The following UBAP2 variants were observed in gnomAD, a reference collection of about 807,000 sequenced individuals.
UBAP2 encodes the protein ubiquitin associated protein 2.
In UBAP2, 75 loss-of-function variants were observed where a neutral mutation model predicts 139.6. That is an observed-to-expected ratio of 0.54 (90% CI 0.45 to 0.65). The LOEUF (loss-of-function observed/expected upper bound fraction) is 0.65, where lower values mean the gene tolerates loss of function less well. Ranked by LOEUF, UBAP2 falls within the 30% of genes least tolerant of loss-of-function variation. The pLI, the probability that UBAP2 is intolerant of heterozygous loss-of-function variation, is 0.00. For synonymous variants in UBAP2, 526 were observed against 526.2 expected, an observed-to-expected ratio of 1.00 and a Z score of 0.01; for missense variants, 1,368 against 1,369.6, an observed-to-expected ratio of 1.00 and a Z score of 0.02.
chr9:33,946,170 G>C (rs1230694137), intron 13 of UBAP2, among the ~76,000 whole-genome samples: 1 of 152,134 alleles, frequency 6.6e-6, no homozygotes, highest in African/African-American at 2.4e-5. Flanking sequence ...CTTATAGACT[G>C]TTCTTATCTC....
Position 33,927,088 on chromosome 9 carries a change from G to C in UBAP2, c.2372-8C>G. 2 of 1,603,690 alleles carry C rather than the reference G, an allele frequency of 1.2e-6. No homozygotes were observed. The highest frequency in any genetic ancestry group is 1.7e-6 in the Non-Finnish European group (2 of 1,174,512). ...AGTTTGGGGGTGCTTTGCCTGTATA[G>C]AGGGAAAAATCAAATGGAGTGAAAT... On this transcript the variant is annotated splice_polypyrimidine_tract_variant and splice_region_variant and intron_variant, in intron 20 of 28. Coordinates refer to ENST00000379238, the MANE Select transcript of UBAP2 (RefSeq NM_001370062.2).
At chr9:33,947,981 C>CAAAAA (rs34296980) in intron 13 of UBAP2, among the ~76,000 whole-genome samples, 1 of 80,608 alleles carries the variant, frequency 1.2e-5, no homozygotes, top group Non-Finnish European at 2.4e-5. Flanking sequence ...GACCCCATCT[C>CAAAAA]AAAAAAAAAA....
intron 1 of UBAP2, among the ~76,000 whole-genome samples, chr9:34,025,236 A>G (rs1027384243): frequency 3.9e-5 from 6 of 152,302 alleles, no homozygotes; most frequent in Middle Eastern, 6.8e-3. Flanking sequence ...ACAAGTACCC[A>G]GTTGCCAGAC....
chr9:33,998,795 C>T lies in UBAP2; in HGVS notation c.169G>A (p.Val57Ile). 4 of 1,612,144 alleles carry T rather than the reference C, an allele frequency of 2.5e-6. No homozygotes were observed. Among genetic ancestry groups the T allele is most frequent in the Non-Finnish European group, 3.4e-6 (4 of 1,179,594 alleles). ...DKNDSDFEAK[V>I]KQLMEVTGKN... ...CTTTGCCAGAAACATACCTGCTTAA[C>T]TTTAGCTTCAAAATCTGAATCATTC... Residue 57 changes from valine (V) to isoleucine (I), a missense_variant, in exon 3 of 29, where the codon GTT (valine) becomes ATT (isoleucine). By Grantham distance (29) the Val-to-Ile change is conservative. Coordinates refer to ENST00000379238, the MANE Select transcript of UBAP2 (RefSeq NM_001370062.2).
chr9:33,982,230 A>C (rs1245921000), intron 6 of UBAP2, among the ~76,000 whole-genome samples: 1 of 152,142 alleles, frequency 6.6e-6, no homozygotes, highest in African/African-American at 2.4e-5. Context: ...CTGACATTCT[A>C]ATAATTCCGC....
At chr9:34,011,258 T>TCA (rs1294765617) in intron 2 of UBAP2, among the ~76,000 whole-genome samples, 1 of 152,154 alleles carries the variant, frequency 6.6e-6, no homozygotes, top group Non-Finnish European at 1.5e-5. Flanking sequence ...AACTATAAAG[T>TCA]CACTATTCAT....
chr9:34,020,165 A>AC (rs1472000219), intron 1 of UBAP2, among the ~76,000 whole-genome samples: 1 of 151,360 alleles, frequency 6.6e-6, no homozygotes, highest in Non-Finnish European at 1.5e-5. Flanking sequence ...AAAAAAAAAA[A>AC]AAAAAACTAA....
At chr9:34,025,405 C>T (rs1304242654) in intron 1 of UBAP2, among the ~76,000 whole-genome samples, 2 of 152,160 alleles carry the variant, frequency 1.3e-5, no homozygotes, top group Admixed American at 1.3e-4. Context: ...ACATACCTAT[C>T]TCAAGTTCTT....
intron 1 of UBAP2, among the ~76,000 whole-genome samples, chr9:34,017,722 C>T (rs146851274): frequency 0.018 from 2,757 of 152,110 alleles, 79 homozygotes; most frequent in African/African-American, 0.061. Flanking sequence ...GTCAGGAGAT[C>T]GAGACCATGC....
Position 33,998,773 on chromosome 9 carries a change from TGC to T in UBAP2, c.177+12_177+13del. The T allele has an allele frequency of 6.2e-7, 1 of 1,602,966 alleles. No homozygotes were observed. Among genetic ancestry groups the T allele is most frequent in the East Asian group, 2.2e-5 (1 of 44,812 alleles). On this transcript the variant is annotated intron_variant, in intron 3 of 28. Transcript: ENST00000379238. ...AGATTATAAAAATGATGATATCCTT[TGC>T]CAGAAACATACCTGCTTAACTTTAG... is the stretch of plus-strand genomic sequence containing the variant.
At chr9:34,048,083 A>AG (rs545613488) in intron 1 of UBAP2, among the ~76,000 whole-genome samples, 42 of 152,320 alleles carry the variant, frequency 2.8e-4, no homozygotes, top group Non-Finnish European at 3.2e-4. Flanking sequence ...CTAAAAACTC[A>AG]GGGGAAAATG....
chr9:33,988,680 C>T (rs1338776103), intron 5 of UBAP2, among the ~76,000 whole-genome samples: 1 of 152,250 alleles, frequency 6.6e-6, no homozygotes, highest in Non-Finnish European at 1.5e-5. Context: ...CACCTGCCTA[C>T]AGCCCAGGTC....
At chr9:34,002,288 A>T (rs1443901084) in intron 2 of UBAP2, among the ~76,000 whole-genome samples, 1 of 151,880 alleles carries the variant, frequency 6.6e-6, no homozygotes, top group Non-Finnish European at 1.5e-5. Flanking sequence ...AATACTTAAC[A>T]TACTACCATG....
At chr9:33,971,929 G>A (rs575374333) in intron 7 of UBAP2, among the ~76,000 whole-genome samples, 175 bp from the exon 8 acceptor site, 2 of 152,170 alleles carry the variant, frequency 1.3e-5, no homozygotes, top group East Asian at 3.8e-4. Flanking sequence ...CCATGGAGAT[G>A]CAGATGTGAA....
At chr9:33,932,077 A>G (rs188034709) in intron 19 of UBAP2, among the ~76,000 whole-genome samples, 110 of 152,198 alleles carry the variant, frequency 7.2e-4, no homozygotes, top group African/African-American at 2.5e-3. Context: ...CCACACCTCA[A>G]TAACCATAAT....
intron 11 of UBAP2, 50 bp downstream of exon 11, chr9:33,956,029 A>AATACTT: frequency 4.2e-6 from 6 of 1,438,532 alleles, no homozygotes; most frequent in Non-Finnish European, 5.7e-6. Flanking sequence ...GAGGCAAAAG[A>AATACTT]TTTCTGTAAT....
At chr9:33,996,151 A>G in intron 4 of UBAP2, 72 bp downstream of exon 4, 1 of 1,174,998 alleles carries the variant, frequency 8.5e-7, no homozygotes, top group East Asian at 2.4e-5. Context: ...ACCCCCAAAC[A>G]AGGTGAAGTT....
At chr9:33,989,683 T>C (rs1403819600) in intron 4 of UBAP2, among the ~76,000 whole-genome samples, 2 of 152,200 alleles carry the variant, frequency 1.3e-5, no homozygotes, top group African/African-American at 2.4e-5. Context: ...TTTCCCAACA[T>C]AAAGCCCTTT....
chr9:33,964,120 T>C (rs7866438), intron 8 of UBAP2, among the ~76,000 whole-genome samples: 19,272 of 152,190 alleles, frequency 0.13, 1,561 homozygotes, highest in African/African-American at 0.22. Flanking sequence ...CTTCTGAGTA[T>C]ACACAAGTCT....
Sources: allele counts gnomAD v4.1 joint callset (sites outside exome capture counted in the v4.1 genomes callset), GRCh38; gene constraint gnomAD v4.1.1; transcripts MANE v1.5; gene names NCBI Gene and HGNC (gene_info 2026-07-23, HGNC 2026-07-21).